PTPRM: variants seen among roughly 807,000 people sequenced by gnomAD.
The protein encoded by PTPRM is protein tyrosine phosphatase receptor type M.
A neutral mutation model predicts 186.7 loss-of-function variants in PTPRM; 47 were observed. The ratio of observed to expected loss-of-function variants is 0.25; its 90% CI spans 0.20 to 0.32. The LOEUF (loss-of-function observed/expected upper bound fraction) is 0.32. Among genes scored for constraint, PTPRM ranks in the 10% least tolerant of loss-of-function variants. PTPRM has a pLI of 1.00. For missense variants in PTPRM, 1,494 were observed against 1,865.0 expected, an observed-to-expected ratio of 0.80 and a Z score of 3.66; for synonymous variants, 668 against 674.9, an observed-to-expected ratio of 0.99 and a Z score of 0.16.
chr18:7,854,506 AAAGTTTGTAGTAT>A (rs769825702), intron 2 of PTPRM, among the ~76,000 whole-genome samples: 45 of 152,284 alleles, frequency 3.0e-4, no homozygotes, highest in Admixed American at 9.8e-4. Flanking sequence ...TTACAGATGG[AAAGTTTGTAGTAT>A]AAGATACTGG....
intron 11 of PTPRM, among the ~76,000 whole-genome samples, chr18:8,103,486 A>C (rs2091383378): frequency 6.6e-6 from 1 of 152,208 alleles, no homozygotes; most frequent in Non-Finnish European, 1.5e-5. Flanking sequence ...CTCATGAACC[A>C]ACCTCTGCTA....
chr18:7,809,734 C>T (rs973993145), intron 2 of PTPRM, among the ~76,000 whole-genome samples: 3 of 152,078 alleles, frequency 2.0e-5, no homozygotes, highest in African/African-American at 7.2e-5. Flanking sequence ...TACCTGAGCC[C>T]CTTTCGGTGT....
At chr18:8,131,643 A>C (rs1415834444) in intron 13 of PTPRM, among the ~76,000 whole-genome samples, 1 of 152,180 alleles carries the variant, frequency 6.6e-6, no homozygotes, top group East Asian at 1.9e-4. Context: ...AGAGAGCATG[A>C]GGGGATGCAC....
In PTPRM at chr18:8,241,094, G is replaced by A. The variant is rs866423977; in HGVS notation, c.2301-2964G>A. 5.9e-5 allele frequency among the ~76,000 whole-genome samples: 9 copies of A among 152,298 alleles called. No individual in the cohort carries two copies. The South Asian group carries it at 1.0e-3, about 18-fold the overall frequency. On this transcript the variant is annotated intron_variant, in intron 14 of 32. Transcript: ENST00000580170. ...TGTAATCCCAGTACTTTGGGAGGCC[G>A]AGGCGAGCGGATCACCTGAGGTCAG...
At chr18:7,815,795 T>G (rs2044786737) in intron 2 of PTPRM, 1 of 152,220 alleles carries the variant, frequency 6.6e-6, no homozygotes, top group South Asian at 2.1e-4. Flanking sequence ...GATTGTAGTT[T>G]AAAGTATGGG....
At chr18:7,721,673 A>G (rs1377513032) in intron 1 of PTPRM, among the ~76,000 whole-genome samples, 12 of 152,130 alleles carry the variant, frequency 7.9e-5, no homozygotes. Context: ...GTGGATATCC[A>G]GTTTATTCAG....
At chr18:8,234,624 A>G (rs1050741650) in intron 14 of PTPRM, among the ~76,000 whole-genome samples, 5 of 152,172 alleles carry the variant, frequency 3.3e-5, no homozygotes, top group African/African-American at 1.2e-4. Flanking sequence ...AGGATATTGA[A>G]AAGTATTGGT....
intron 2 of PTPRM, among the ~76,000 whole-genome samples, chr18:7,819,934 G>C (rs2045091518): frequency 1.3e-5 from 2 of 152,188 alleles, no homozygotes; most frequent in African/African-American, 4.8e-5. Flanking sequence ...CTCCATGAAG[G>C]ACTTTTCCCC....
At chr18:8,235,444 A>C in intron 14 of PTPRM, among the ~76,000 whole-genome samples, 1 of 140,486 alleles carries the variant, frequency 7.1e-6, no homozygotes. Flanking sequence ...TAATATGAGT[A>C]ATCTGTGTCT....
At chr18:7,653,117 C>CA (rs2038758172) in intron 1 of PTPRM, among the ~76,000 whole-genome samples, 1 of 122,950 alleles carries the variant, frequency 8.1e-6, no homozygotes, top group African/African-American at 4.1e-5. Context: ...CCACTATGTA[C>CA]TTTATTATTA....
intron 1 of PTPRM, among the ~76,000 whole-genome samples, chr18:7,666,627 C>T (rs190482542): frequency 5.7e-4 from 87 of 152,364 alleles, no homozygotes; most frequent in Non-Finnish European, 1.0e-3. Context: ...ACATTGTCCT[C>T]TCCTGATCTT....
chr18:7,748,890 G>A (rs1298341097), intron 1 of PTPRM, among the ~76,000 whole-genome samples: 1 of 152,202 alleles, frequency 6.6e-6, no homozygotes, highest in African/African-American at 2.4e-5. Flanking sequence ...AACCACCAAT[G>A]TTGACTACAT....
In PTPRM at chr18:8,369,506, C is replaced by T. The variant is rs148841096; in HGVS notation, c.3055-1384C>T. On this transcript the variant is annotated intron_variant, in intron 23 of 32. Transcript: ENST00000580170. ...TAGCCTTGGCAAATGGTTGGGTTTGCGAGAAGGAATGGGTTGGTTAAGGGA... is the reference window on the plus strand; with the variant it reads ...TAGCCTTGGCAAATGGTTGGGTTTGTGAGAAGGAATGGGTTGGTTAAGGGA... 7.0e-3 allele frequency among the ~76,000 whole-genome samples: 1,065 copies of T among 152,174 alleles called. 10 individuals carry two copies. The highest frequency in any genetic ancestry group is 0.02 in the African/African-American group (843 of 41,496).
At chr18:7,770,599 A>G (rs930729476) in intron 1 of PTPRM, among the ~76,000 whole-genome samples, 2 of 152,222 alleles carry the variant, frequency 1.3e-5, no homozygotes, top group Admixed American at 6.5e-5. Flanking sequence ...TGTTTTTTAC[A>G]TAAAGAATCT....
chr18:7,893,807 T>A (rs66900176), intron 3 of PTPRM, among the ~76,000 whole-genome samples: 24,491 of 152,080 alleles, frequency 0.16, 2,325 homozygotes, highest in East Asian at 0.41. Flanking sequence ...AAGAGAAATG[T>A]CAGCAGGAAA....
intron 23 of PTPRM, among the ~76,000 whole-genome samples, chr18:8,369,020 C>T (rs1254888807): frequency 2.0e-5 from 3 of 152,156 alleles, no homozygotes; most frequent in African/African-American, 7.2e-5. Flanking sequence ...AGGAGTGCAG[C>T]GTGTGAGATG....
chr18:8,237,469 A>G (rs2094359796), intron 14 of PTPRM, among the ~76,000 whole-genome samples: 1 of 108,782 alleles, frequency 9.2e-6, no homozygotes. Context: ...TTTTCCTGAG[A>G]CAGAGTTTCG....
chr18:7,591,702 C>A (rs2037130506), intron 1 of PTPRM, among the ~76,000 whole-genome samples: 1 of 152,150 alleles, frequency 6.6e-6, no homozygotes, highest in Non-Finnish European at 1.5e-5. Flanking sequence ...CACCAGGCTA[C>A]AGGTATTCTG....
intron 1 of PTPRM, among the ~76,000 whole-genome samples, chr18:7,728,192 T>A (rs992328124): frequency 1.3e-5 from 2 of 152,244 alleles, no homozygotes; most frequent in Middle Eastern, 3.2e-3. Context: ...TATTTCAGTA[T>A]GTTTAATTCT....
Sources: gnomAD v4.1 joint callset for allele counts (sites outside exome capture counted in the v4.1 genomes callset) on GRCh38, gnomAD v4.1.1 for gene constraint, MANE v1.5 for transcripts, NCBI Gene and HGNC (gene_info 2026-07-23, HGNC 2026-07-21) for gene names.